The following PTPN4 variants were observed in gnomAD, a reference collection of about 807,000 sequenced individuals.
PTPN4 encodes tyrosine-protein phosphatase non-receptor type 4.
PTPN4 carries 49 observed loss-of-function variants against 135.5 expected under a neutral mutation model. That is an observed-to-expected ratio of 0.36 (90% CI 0.29 to 0.46). PTPN4 has a LOEUF of 0.46. Among genes scored for constraint, PTPN4 ranks in the 20% least tolerant of loss-of-function variants. The probability of loss-of-function intolerance (pLI) is 1.00; values close to 1 mark genes in which losing one functional copy is unlikely to be tolerated. For synonymous variants in PTPN4, 333 were observed against 369.9 expected (o/e 0.90, Z 1.14); for missense variants, 860 against 1,101.0 (o/e 0.78, Z 3.10).
Position 119,956,849 on chromosome 2 carries a change from G to C in PTPN4, c.1986G>C (p.Leu662=), listed in dbSNP as rs1314359524. 1 of 1,555,028 alleles carries C rather than the reference G, an allele frequency of 6.4e-7. No homozygotes were observed. Among genetic ancestry groups the C allele is most frequent in the Admixed American group, 2.1e-5 (1 of 46,620 alleles). ...TGTVLTQFDQ[L]YRKKPGMTMS... ...CCTTTTTTTTTTTTTTTTAGCAACT[G>C]TATCGGAAAAAACCTGGAATGACAA... The change falls in exon 21 of 27, where the codon CTG becomes CTC. Residue 662 remains leucine, a synonymous_variant. Transcript: ENST00000263708.
At chr2:119,885,670 G>T (rs1678145216) in intron 8 of PTPN4, 125 bp from the exon 9 acceptor site, 4 of 586,672 alleles carry the variant, frequency 6.8e-6, no homozygotes, top group Non-Finnish European at 1.2e-5. Context: ...GAGTAGTCCT[G>T]CATGGTGTTT....
intron 13 of PTPN4, among the ~76,000 whole-genome samples, chr2:119,928,899 C>A (rs1469034345): frequency 1.3e-5 from 2 of 151,992 alleles, no homozygotes; most frequent in African/African-American, 4.8e-5. Flanking sequence ...CAAATGGTTT[C>A]TTTATAAGTG....
At chr2:119,955,656 G>A (rs1310984836) in intron 20 of PTPN4, among the ~76,000 whole-genome samples, 1 of 152,120 alleles carries the variant, frequency 6.6e-6, no homozygotes, top group African/African-American at 2.4e-5. Context: ...TCCTGAGCTT[G>A]GCCAGGTGTG....
intron 2 of PTPN4, among the ~76,000 whole-genome samples, chr2:119,850,795 T>C (rs1029859746): frequency 1.1e-4 from 17 of 152,246 alleles, no homozygotes; most frequent in African/African-American, 4.1e-4. Flanking sequence ...GTTGTTATGC[T>C]CAGGAGCAGA....
At chr2:119,872,655 T>G (rs555302621) in intron 3 of PTPN4, among the ~76,000 whole-genome samples, 1 of 152,324 alleles carries the variant, frequency 6.6e-6, no homozygotes, top group Non-Finnish European at 1.5e-5. Context: ...TACCTCTTTC[T>G]TTTTTATCTG....
chr2:119,946,582 A>T lies in PTPN4; in HGVS notation c.1656+8A>T. On this transcript the variant is annotated splice_region_variant and intron_variant, in intron 18 of 26. Transcript: ENST00000263708. ...GTAGCACCAGGAACACCTGTGAGTT[A>T]TCTAAATGTTTCAAATAAATCCTGT... is the stretch of plus-strand genomic sequence containing the variant. The T allele has an allele frequency of 6.6e-7, 1 of 1,514,262 alleles. No homozygotes were observed. The highest frequency in any genetic ancestry group is 9.0e-7 in the Non-Finnish European group (1 of 1,115,976). The allele number at this position is 1,514,262 out of a possible 1,614,324, so 93.8% of individuals were successfully genotyped here.
rs1480973451 is a variant in PTPN4 at position 119,906,731 on chromosome 2, AAGC to A, written c.764+5926_764+5928del. Among the ~76,000 whole-genome samples the A allele has an allele frequency of 2.6e-5, 4 of 152,256 alleles. No individual in the cohort carries two copies. The East Asian group carries it at 7.7e-4, about 29-fold the overall frequency. ...ATCATACAGAACAGGTCAAAGCTGA[AAGC>A]TTTTCTTCTAAGAACTAAAAGAAGA... On this transcript the variant is annotated intron_variant, in intron 10 of 26. Coordinates refer to ENST00000263708, the MANE Select transcript of PTPN4 (RefSeq NM_002830.4).
At chr2:119,817,184 A>G (rs1037796501) in intron 2 of PTPN4, among the ~76,000 whole-genome samples, 1 of 151,946 alleles carries the variant, frequency 6.6e-6, no homozygotes, top group East Asian at 1.9e-4. Context: ...GGGTTTTTAT[A>G]CTTTTGGCTT....
At chr2:119,778,368 A>G (rs1225230411) in intron 1 of PTPN4, among the ~76,000 whole-genome samples, 1 of 152,208 alleles carries the variant, frequency 6.6e-6, no homozygotes, top group Non-Finnish European at 1.5e-5. Flanking sequence ...GTTTTAGTAA[A>G]TAATTTCACT....
At chr2:119,927,928 C>G (rs1234311507) in intron 13 of PTPN4, among the ~76,000 whole-genome samples, 1 of 151,932 alleles carries the variant, frequency 6.6e-6, no homozygotes, top group Admixed American at 6.6e-5. Flanking sequence ...GTGGAAATTG[C>G]TTTTTTCCCC....
At chr2:119,873,447 T>C (rs757531751) in intron 3 of PTPN4, among the ~76,000 whole-genome samples, 33 of 152,198 alleles carry the variant, frequency 2.2e-4, no homozygotes, top group Non-Finnish European at 4.4e-4. Flanking sequence ...TTTTGGCAGA[T>C]ACAAAAATTA....
At chr2:119,967,240 G>T (rs747462547) in intron 25 of PTPN4, among the ~76,000 whole-genome samples, 25 of 152,312 alleles carry the variant, frequency 1.6e-4, no homozygotes, top group Admixed American at 3.9e-4. Context: ...GAGGTCAGGA[G>T]TTCGAGACCA....
rs117532533 is a variant in PTPN4 at position 119,853,189 on chromosome 2, A to G, written c.139-9347A>G. 1.1e-4 allele frequency among the ~76,000 whole-genome samples: 16 copies of G among 152,268 alleles called. No homozygotes were observed. In the East Asian group the frequency reaches 1.9e-3, roughly 18 times the overall value. On this transcript the variant is annotated intron_variant, in intron 2 of 26. Coordinates refer to ENST00000263708, the MANE Select transcript of PTPN4 (RefSeq NM_002830.4). ...TATCCATGCTGATTTTCTTTTTTACATCTTTGCTGATTAATCTAGCAATTG... is the reference window on the plus strand; with the variant it reads ...TATCCATGCTGATTTTCTTTTTTACGTCTTTGCTGATTAATCTAGCAATTG...
chr2:119,943,104 A>G (rs972677986), intron 15 of PTPN4, among the ~76,000 whole-genome samples: 7 of 152,204 alleles, frequency 4.6e-5, no homozygotes, highest in African/African-American at 1.7e-4. Flanking sequence ...TTGCAGTTAT[A>G]TTTTATACCA....
intron 16 of PTPN4, among the ~76,000 whole-genome samples, chr2:119,945,598 T>C (rs1679121086): frequency 1.2e-5 from 1 of 85,898 alleles, no homozygotes. Context: ...TAAAGTATAA[T>C]AATAATAAAA....
At chr2:119,931,281 A>G (rs1574409867) in intron 13 of PTPN4, among the ~76,000 whole-genome samples, 1 of 152,004 alleles carries the variant, frequency 6.6e-6, no homozygotes, top group African/African-American at 2.4e-5. Context: ...AATAACATAT[A>G]TTTTCAGCTA....
At chr2:119,805,001 G>GT (rs1052342462) in intron 1 of PTPN4, among the ~76,000 whole-genome samples, 4 of 147,854 alleles carry the variant, frequency 2.7e-5, no homozygotes, top group African/African-American at 9.7e-5. Context: ...TCTCATTGTG[G>GT]TTTTGATTTG....
intron 5 of PTPN4, among the ~76,000 whole-genome samples, chr2:119,877,925 G>A (rs986573964): frequency 1.3e-5 from 2 of 151,926 alleles, no homozygotes; most frequent in African/African-American, 2.4e-5. Flanking sequence ...GCATATTCTA[G>A]TATCTTTTTT....
At chr2:119,941,906 C>A (rs957748110) in intron 15 of PTPN4, among the ~76,000 whole-genome samples, 3 of 152,166 alleles carry the variant, frequency 2.0e-5, no homozygotes, top group South Asian at 2.1e-4. Context: ...TTATAGAGCT[C>A]ATGCTGCATC....
Sources: gnomAD v4.1 joint callset for allele counts (sites outside exome capture counted in the v4.1 genomes callset) on GRCh38, gnomAD v4.1.1 for gene constraint, MANE v1.5 for transcripts, NCBI Gene and HGNC (gene_info 2026-07-23, HGNC 2026-07-21) for gene names.